Variants in COL24A1 observed in about 807,000 individuals in gnomAD.
The protein encoded by COL24A1 is collagen alpha-1(XXIV) chain.
COL24A1 carries 224 observed loss-of-function variants against 253.9 expected under a neutral mutation model. The observed-to-expected ratio is 0.88, with a 90% CI of 0.79 to 0.99. COL24A1 has a LOEUF of 0.99. Among genes scored for constraint, COL24A1 ranks in the 50% least tolerant of loss-of-function variants. The probability of loss-of-function intolerance (pLI) is 0.00; values close to 1 mark genes in which losing one functional copy is unlikely to be tolerated. For missense variants in COL24A1, 2,131 were observed against 2,068.5 expected (o/e 1.03, Z -0.59); for synonymous variants, 685 against 673.7 (o/e 1.02, Z -0.26).
intron 35 of COL24A1, among the ~76,000 whole-genome samples, chr1:85,869,116 G>T (rs1680119026): frequency 6.6e-6 from 1 of 151,936 alleles, no homozygotes; most frequent in African/African-American, 2.4e-5. Flanking sequence ...ATATCCATTT[G>T]GTAGCTCTAG....
chr1:85,986,074 A>G (rs1429365148), intron 20 of COL24A1, among the ~76,000 whole-genome samples: 1 of 151,812 alleles, frequency 6.6e-6, no homozygotes, highest in Admixed American at 6.6e-5. Flanking sequence ...TCCCTGCAAA[A>G]CATAATTTGA....
chr1:86,106,056 C>A (rs1704951554), intron 5 of COL24A1, among the ~76,000 whole-genome samples: 1 of 152,170 alleles, frequency 6.6e-6, no homozygotes. Flanking sequence ...AGTCATCTTG[C>A]CCAGCTCCCA....
chr1:85,805,613 C>T (rs979977405), intron 47 of COL24A1, among the ~76,000 whole-genome samples: 2 of 152,122 alleles, frequency 1.3e-5, no homozygotes, highest in African/African-American at 4.8e-5. Flanking sequence ...TACTTAATTT[C>T]TCAGTGCCTC....
chr1:86,153,718 T>G (rs1326111227), intron 1 of COL24A1, among the ~76,000 whole-genome samples: 3 of 152,222 alleles, frequency 2.0e-5, no homozygotes, highest in Non-Finnish European at 4.4e-5. Flanking sequence ...CAAATATAAC[T>G]AAGCAACTTT....
intron 45 of COL24A1, among the ~76,000 whole-genome samples, chr1:85,822,249 C>T (rs929500191): frequency 6.6e-6 from 1 of 152,050 alleles, no homozygotes; most frequent in African/African-American, 2.4e-5. Flanking sequence ...TGATTCAACC[C>T]CATTTTATTA....
chr1:85,841,820 C>A (rs1676643750), intron 41 of COL24A1, among the ~76,000 whole-genome samples: 1 of 152,112 alleles, frequency 6.6e-6, no homozygotes, highest in South Asian at 2.1e-4. Context: ...TTTACTCTTA[C>A]AAAGCTCTAC....
chr1:85,970,779 T>C (rs1692080815), intron 21 of COL24A1, among the ~76,000 whole-genome samples: 1 of 152,212 alleles, frequency 6.6e-6, no homozygotes, highest in Non-Finnish European at 1.5e-5. Context: ...ATAGTAAATA[T>C]AAATTCTAGT....
At position 85,961,259 on chromosome 1, in the gene COL24A1, A is replaced by G. The variant is rs779644959; in HGVS notation, c.2552T>C (p.Ile851Thr). 36 of 1,604,160 alleles carry G rather than the reference A, an allele frequency of 2.2e-5. No individual in the cohort carries two copies. In the East Asian group the frequency reaches 7.6e-4, roughly 34 times the overall value. ...EVGDQGNIGK[I>T]GETGPVGLPG... is the part of the protein sequence containing the mutation. ...ATAAAATAAGCTTACTGTTTCACCA[A>G]TTTTTCCAATATTTCCTTGATCTCC... Residue 851 changes from isoleucine to threonine, a missense_variant, in exon 24 of 60, where the codon ATT (isoleucine) becomes ACT (threonine). By Grantham distance (89) the Ile-to-Thr change is moderately conservative. Transcript: ENST00000370571.
intron 55 of COL24A1, among the ~76,000 whole-genome samples, chr1:85,755,714 C>CA (rs1666168139): frequency 6.6e-6 from 1 of 151,744 alleles, no homozygotes; most frequent in Non-Finnish European, 1.5e-5. Context: ...ACATCAAGTA[C>CA]AAAAAAACTT....
intron 53 of COL24A1, among the ~76,000 whole-genome samples, chr1:85,762,776 T>C (rs1666968086): frequency 6.6e-6 from 1 of 152,214 alleles, no homozygotes; most frequent in Admixed American, 6.5e-5. Context: ...TAGCAAGTTT[T>C]TGACATTTGG....
intron 37 of COL24A1, among the ~76,000 whole-genome samples, chr1:85,859,870 C>T (rs1034062461): frequency 5.9e-5 from 9 of 152,092 alleles, no homozygotes; most frequent in African/African-American, 2.2e-4. Context: ...ATAGTCCCAG[C>T]TATTTGGGAG....
chr1:86,038,477 A>C (rs912287683), intron 12 of COL24A1, among the ~76,000 whole-genome samples: 6 of 152,102 alleles, frequency 3.9e-5, no homozygotes, highest in Non-Finnish European at 5.9e-5. Context: ...TACAGGCAAG[A>C]GATGTGGAGA....
chr1:85,847,836 T>C (rs2102310329), intron 38 of COL24A1, 64 bp from the exon 39 acceptor site: 2 of 1,003,162 alleles, frequency 2.0e-6, no homozygotes, highest in Non-Finnish European at 3.1e-6. Flanking sequence ...TAATTAACTA[T>C]ATCATATTCC....
intron 37 of COL24A1, among the ~76,000 whole-genome samples, chr1:85,858,863 G>A (rs540840261): frequency 6.6e-6 from 1 of 151,938 alleles, no homozygotes; most frequent in South Asian, 2.1e-4. Flanking sequence ...TCCCACCCTA[G>A]TAGCTGGGAC....
chr1:85,885,029 T>G (rs1477125324), intron 32 of COL24A1, among the ~76,000 whole-genome samples: 1 of 152,164 alleles, frequency 6.6e-6, no homozygotes, highest in African/African-American at 2.4e-5. Context: ...GTGGGCTATG[T>G]AGTTGCCTGT....
In COL24A1 at chr1:85,786,463, T is replaced by C. The variant is rs1184046318; in HGVS notation, c.3952-2A>G. The C allele has an allele frequency of 1.9e-6, 3 of 1,608,540 alleles. No homozygotes were observed. Among genetic ancestry groups the C allele is most frequent in the Non-Finnish European group, 2.5e-6 (3 of 1,177,532 alleles). Reference sequence around the variant, plus strand: ...TCTTCCTGGGCCGCCTCTGATGCCCTAAATAACACAGATAAGAAATGAAAA... The same window carrying C: ...TCTTCCTGGGCCGCCTCTGATGCCCCAAATAACACAGATAAGAAATGAAAA... On this transcript the variant is annotated splice_acceptor_variant, in intron 47 of 59. Transcript: ENST00000370571. LOFTEE classifies it high-confidence loss of function.
chr1:85,842,908 C>G (rs1676773728), intron 39 of COL24A1, among the ~76,000 whole-genome samples: 1 of 152,054 alleles, frequency 6.6e-6, no homozygotes, highest in South Asian at 2.1e-4. Context: ...TATGATTACT[C>G]TTATTATCAA....
chr1:85,858,094 G>T (rs913451851), intron 37 of COL24A1, among the ~76,000 whole-genome samples: 2 of 152,156 alleles, frequency 1.3e-5, no homozygotes, highest in Admixed American at 1.3e-4. Context: ...CTATCACTGT[G>T]TTTTCTCATT....
At chr1:85,858,110 C>T (rs1678665860) in intron 37 of COL24A1, among the ~76,000 whole-genome samples, 1 of 152,174 alleles carries the variant, frequency 6.6e-6, no homozygotes, top group Non-Finnish European at 1.5e-5. Flanking sequence ...TCATTCCAAG[C>T]CACCAACATT....
Sources: gnomAD v4.1 joint callset for allele counts (sites outside exome capture counted in the v4.1 genomes callset) on GRCh38, gnomAD v4.1.1 for gene constraint, MANE v1.5 for transcripts, NCBI Gene and HGNC (gene_info 2026-07-23, HGNC 2026-07-21) for gene names.